The following NRP1 variants were observed in gnomAD, a reference collection of about 807,000 sequenced individuals.
The protein encoded by NRP1 is neuropilin-1.
In NRP1, 35 loss-of-function variants were observed where a neutral mutation model predicts 106.7. The ratio of observed to expected loss-of-function variants is 0.33; its 90% CI spans 0.25 to 0.43. The LOEUF is 0.43. Ranked by LOEUF, NRP1 falls within the 20% of genes least tolerant of loss-of-function variation. The pLI is 1.00. For synonymous variants in NRP1, 437 were observed against 417.9 expected (o/e 1.05, Z -0.56); for missense variants, 1,024 against 1,170.4 (o/e 0.87, Z 1.83).
intron 7 of NRP1, among the ~76,000 whole-genome samples, chr10:33,225,788 C>T (rs892356533): frequency 2.6e-5 from 4 of 152,128 alleles, no homozygotes; most frequent in East Asian, 1.9e-4. Context: ...ATGAAGAAAT[C>T]GAGGGGGGAA....
chr10:33,221,985 T>C (rs1040324952), intron 7 of NRP1, 122 bp from the exon 8 acceptor site: 1 of 1,036,904 alleles, frequency 9.6e-7, no homozygotes, highest in Non-Finnish European at 1.4e-6. Flanking sequence ...AAGGATGAGA[T>C]GGCGTTAATA....
At position 33,276,621 on chromosome 10, in the gene NRP1, G is replaced by A. The variant is rs74979005; in HGVS notation, c.249-5765C>T. On this transcript the variant is annotated intron_variant, in intron 2 of 16. Coordinates refer to ENST00000374867, the MANE Select transcript of NRP1 (RefSeq NM_003873.7). The stretch of plus-strand genomic sequence containing the variant: ...TTATGCTTTTAATATTGCCTACTTC[G>A]GGGCAAGCTTGATTCTGATATCTGC... Among the ~76,000 whole-genome samples the A allele has an allele frequency of 6.7e-3, 1,024 of 152,196 alleles. 8 individuals are homozygous for A. Among genetic ancestry groups the A allele is most frequent in the African/African-American group, 0.023 (970 of 41,490 alleles).
intron 2 of NRP1, among the ~76,000 whole-genome samples, chr10:33,273,596 CG>C (rs755269613): frequency 1.0e-3 from 153 of 152,314 alleles, no homozygotes; most frequent in Admixed American, 1.8e-3. Flanking sequence ...GTGGCAAACA[CG>C]GCATTGCTCG....
Position 33,185,688 on chromosome 10 carries a change from C to T in NRP1, c.2371G>A (p.Gly791Ser). The change falls in exon 15 of 17, where the codon GGT (glycine) becomes AGT (serine). Residue 791 changes from glycine to serine, a missense_variant. Gly to Ser is a moderately conservative substitution (Grantham distance 56, BLOSUM62 0). Coordinates refer to ENST00000374867, the MANE Select transcript of NRP1 (RefSeq NM_003873.7). ...CTAATGTCATCCACAGCAATCCCAC[C>T]AAGGTTTCCTTTTCCGATTTCGCCC... ...FEGEIGKGNL[G>S]GIAVDDISIN... 2 of 1,614,146 alleles carry T rather than the reference C, an allele frequency of 1.2e-6. No individual in the cohort carries two copies. The highest frequency in any genetic ancestry group is 1.3e-5 in the African/African-American group (1 of 75,048).
At position 33,254,169 on chromosome 10, in the gene NRP1, G is replaced by A; in HGVS notation, c.840C>T (p.Gly280=). Residue 280 remains glycine, a synonymous_variant, in exon 6 of 17, where the codon GGC becomes GGT. Coordinates refer to ENST00000374867, the MANE Select transcript of NRP1 (RefSeq NM_003873.7). ...CAGAATGAATTTCTCCTGATTCCAT[G>A]CCCAGAGCTTCCATACATTTGAAAT... ...SEDFKCMEAL[G]MESGEIHSDQ... is the part of the protein sequence containing the mutation. The A allele has an allele frequency of 6.2e-7, 1 of 1,612,230 alleles. No homozygotes were observed. Among genetic ancestry groups the A allele is most frequent in the Non-Finnish European group, 8.5e-7 (1 of 1,179,638 alleles).
intron 2 of NRP1, among the ~76,000 whole-genome samples, chr10:33,275,547 A>C (rs1159486171): frequency 2.0e-5 from 3 of 152,088 alleles, no homozygotes; most frequent in African/African-American, 7.2e-5. Context: ...TAGCCTGGGC[A>C]ACAGAGCGAG....
chr10:33,310,543 G>A (rs1588971158), intron 2 of NRP1, among the ~76,000 whole-genome samples: 1 of 152,200 alleles, frequency 6.6e-6, no homozygotes, highest in East Asian at 1.9e-4. Flanking sequence ...GAGCCACCGC[G>A]CCCAGCTGCT....
At chr10:33,244,189 AGT>A (rs937309597) in intron 6 of NRP1, among the ~76,000 whole-genome samples, 30 of 152,266 alleles carry the variant, frequency 2.0e-4, no homozygotes, top group African/African-American at 7.0e-4. Context: ...GGAGTTTTAA[AGT>A]GTGGGTTCTG....
At chr10:33,181,822 G>C (rs1046061322) in intron 16 of NRP1, among the ~76,000 whole-genome samples, 1 of 152,188 alleles carries the variant, frequency 6.6e-6, no homozygotes, top group Non-Finnish European at 1.5e-5. Flanking sequence ...TATGTAGGAC[G>C]GGTGCAGTGG....
chr10:33,307,546 C>A (rs1003414203), intron 2 of NRP1, among the ~76,000 whole-genome samples: 3 of 152,172 alleles, frequency 2.0e-5, no homozygotes, highest in Non-Finnish European at 4.4e-5. Flanking sequence ...TCCCCAACCT[C>A]CCCTACCTCC....
At chr10:33,209,182 T>C (rs1838075094) in intron 9 of NRP1, among the ~76,000 whole-genome samples, 1 of 152,156 alleles carries the variant, frequency 6.6e-6, no homozygotes, top group African/African-American at 2.4e-5. Context: ...GCTGGGATTA[T>C]AGGCGTGAAC....
At chr10:33,310,439 C>T (rs1287225824) in intron 2 of NRP1, among the ~76,000 whole-genome samples, 2 of 151,730 alleles carry the variant, frequency 1.3e-5, no homozygotes, top group South Asian at 2.1e-4. Flanking sequence ...TTAGTAGAGA[C>T]GGGGTTTTAC....
chr10:33,180,262 T>G lies in NRP1; in HGVS notation c.2586A>C (p.Ile862=), dbSNP rs1835598002. The G allele has an allele frequency of 1.2e-6, 2 of 1,614,122 alleles. No homozygotes were observed. Among genetic ancestry groups the G allele is most frequent in the Non-Finnish European group, 1.7e-6 (2 of 1,180,028 alleles). ...GGAGGACCCCCAGGGCACTCATGGC[T>G]ATGATGGTGATGAGGATGGGGTCTA... is the stretch of plus-strand genomic sequence containing the variant. ...KTLDPILITI[I]AMSALGVLLG... is the part of the protein sequence containing the mutation. Residue 862 remains isoleucine, a synonymous_variant, in exon 17 of 17, where the codon ATA becomes ATC. Transcript: ENST00000374867.
chr10:33,290,940 T>A (rs1209373295), intron 2 of NRP1, among the ~76,000 whole-genome samples: 1 of 152,206 alleles, frequency 6.6e-6, no homozygotes, highest in African/African-American at 2.4e-5. Context: ...ACATTTTTAA[T>A]GCTTCCTTGA....
intron 10 of NRP1, among the ~76,000 whole-genome samples, chr10:33,206,778 C>A (rs1837819459): frequency 6.6e-6 from 1 of 152,132 alleles, no homozygotes; most frequent in African/African-American, 2.4e-5. Flanking sequence ...GATTCTAGTG[C>A]ATAAATATAT....
chr10:33,270,852 C>G lies in NRP1; in HGVS notation c.253G>C (p.Asp85His). ...TCTCCATCGAAGACTTCCACGTAGT[C>G]ATACCTAATACACAAACATGGAAGA... ...FDLEDRDCKYDYVEVFDGENE... is the reference protein window; with the variant it reads ...FDLEDRDCKYHYVEVFDGENE... Residue 85 changes from aspartate to histidine, a missense_variant, in exon 3 of 17, where the codon GAC becomes CAC. Coordinates refer to ENST00000374867, the MANE Select transcript of NRP1 (RefSeq NM_003873.7). 1 of 1,604,192 alleles carries G rather than the reference C, an allele frequency of 6.2e-7. No individual in the cohort carries two copies. Among genetic ancestry groups the G allele is most frequent in the Non-Finnish European group, 8.5e-7 (1 of 1,175,784 alleles).
At chr10:33,248,246 T>C (rs6481840) in intron 6 of NRP1, among the ~76,000 whole-genome samples, 152,144 of 152,222 alleles carry the variant, frequency 1, 76,033 homozygotes, top group Middle Eastern at 1. Context: ...GCCAAGATCG[T>C]GCCACTGCAC....
intron 2 of NRP1, among the ~76,000 whole-genome samples, chr10:33,303,099 A>G (rs1175156856): frequency 1.3e-5 from 2 of 152,156 alleles, no homozygotes; most frequent in Non-Finnish European, 2.9e-5. Flanking sequence ...AGAATTTTGC[A>G]TTTATTTCTA....
At chr10:33,319,588 C>CT (rs35886672) in intron 2 of NRP1, among the ~76,000 whole-genome samples, 5,344 of 115,530 alleles carry the variant, frequency 0.046, 330 homozygotes, top group African/African-American at 0.13. Context: ...TTCTTTCTTT[C>CT]TTTTTTTTTT....
Sources: allele counts gnomAD v4.1 joint callset (sites outside exome capture counted in the v4.1 genomes callset), GRCh38; gene constraint gnomAD v4.1.1; transcripts MANE v1.5; gene names NCBI Gene and HGNC (gene_info 2026-07-23, HGNC 2026-07-21).